ROBO2: variants seen among roughly 807,000 people sequenced by gnomAD.
The protein encoded by ROBO2 is roundabout guidance receptor 2.
In ROBO2, 53 loss-of-function variants were observed where a neutral mutation model predicts 160.8. The ratio of observed to expected loss-of-function variants is 0.33; its 90% confidence interval spans 0.26 to 0.41. The LOEUF (loss-of-function observed/expected upper bound fraction) is 0.41. Among genes scored for constraint, ROBO2 ranks in the 10% least tolerant of loss-of-function variants. The probability of loss-of-function intolerance (pLI) is 1.00; values close to 1 mark genes in which losing one functional copy is unlikely to be tolerated. For synonymous variants in ROBO2, 664 were observed against 611.7 expected (o/e 1.09, Z -1.26); for missense variants, 1,577 against 1,722.4 (o/e 0.92, Z 1.49).
At chr3:77,134,876 T>C (rs2076149447) in intron 2 of ROBO2, among the ~76,000 whole-genome samples, 1 of 152,188 alleles carries the variant, frequency 6.6e-6, no homozygotes, top group African/African-American at 2.4e-5. Context: ...TTAAGAGAAA[T>C]TGATTTTCCT....
At chr3:77,441,159 CCCAA>C (rs2079883025) in intron 2 of ROBO2, among the ~76,000 whole-genome samples, 1 of 151,912 alleles carries the variant, frequency 6.6e-6, no homozygotes, top group Non-Finnish European at 1.5e-5. Context: ...CCATTCGTTG[CCCAA>C]CTGGCTTTAC....
At chr3:76,310,191 G>T (rs1277026080) in intron 2 of ROBO2, among the ~76,000 whole-genome samples, 1 of 152,280 alleles carries the variant, frequency 6.6e-6, no homozygotes, top group Admixed American at 6.5e-5. Context: ...ACTGTCATGT[G>T]TTAATTATAA....
chr3:76,112,287 G>A (rs2108242150), intron 2 of ROBO2, among the ~76,000 whole-genome samples: 1 of 151,772 alleles, frequency 6.6e-6, no homozygotes, highest in South Asian at 2.1e-4. Flanking sequence ...ATTTGATTTA[G>A]GAGTTTGGCA....
At chr3:77,062,285 A>G (rs531642277) in intron 1 of ROBO2, among the ~76,000 whole-genome samples, 1 of 152,132 alleles carries the variant, frequency 6.6e-6, no homozygotes, top group African/African-American at 2.4e-5. Context: ...TCTTCTGGGA[A>G]CCTTTCCTAC....
chr3:76,877,380 G>C (rs1323426067), intron 2 of ROBO2, among the ~76,000 whole-genome samples: 1 of 152,158 alleles, frequency 6.6e-6, no homozygotes, highest in Non-Finnish European at 1.5e-5. Context: ...TTAGTATTCT[G>C]TGCTCTAAGG....
In ROBO2 at chr3:76,562,776, G is replaced by A. The variant is rs188741548; in HGVS notation, c.110-535238G>A. On this transcript the variant is annotated intron_variant, in intron 2 of 26. Coordinates refer to the ROBO2 transcript ENST00000487694. The stretch of plus-strand genomic sequence containing the variant: ...TGAGGTCTGTGACTAAAATATATTC[G>A]TCTAATTCTACCTTTATTCTTTTTC... Among the ~76,000 whole-genome samples the A allele has an allele frequency of 2.4e-3, 362 of 152,044 alleles. 1 individual carries two copies. The highest frequency in any genetic ancestry group is 7.9e-3 in the African/African-American group (326 of 41,476).
intron 2 of ROBO2, among the ~76,000 whole-genome samples, chr3:77,183,058 C>G (rs1172932930): frequency 6.6e-6 from 1 of 152,078 alleles, no homozygotes; most frequent in Non-Finnish European, 1.5e-5. Context: ...AGGCTCCAGA[C>G]TGTCTCTGTA....
At chr3:77,239,859 A>G (rs1484334040) in intron 2 of ROBO2, among the ~76,000 whole-genome samples, 1 of 152,176 alleles carries the variant, frequency 6.6e-6, no homozygotes, top group Non-Finnish European at 1.5e-5. Context: ...CTTTAGCTAG[A>G]TGTAAAAGTT....
At chr3:77,053,318 A>G (rs975014054) in intron 1 of ROBO2, among the ~76,000 whole-genome samples, 1 of 152,142 alleles carries the variant, frequency 6.6e-6, no homozygotes, top group African/African-American at 2.4e-5. Context: ...TTCTCATTCT[A>G]TTCTTCATTT....
chr3:76,123,976 GTTGTAC>G (rs2070859556), intron 2 of ROBO2, among the ~76,000 whole-genome samples: 4 of 151,876 alleles, frequency 2.6e-5, no homozygotes, highest in African/African-American at 7.3e-5. Context: ...TATATTCACT[GTTGTAC>G]TTGTTAGCAA....
In ROBO2 at chr3:76,752,741, A is replaced by T. The variant is rs563714611; in HGVS notation, c.110-345273A>T. Among the ~76,000 whole-genome samples, 3 of 152,072 alleles carry T rather than the reference A, an allele frequency of 2.0e-5. No homozygotes were observed. In the South Asian group the frequency reaches 6.2e-4, roughly 31 times the overall value. On this transcript the variant is annotated intron_variant, in intron 2 of 26. Transcript: ENST00000487694. ...TAGAGAAAATTAAACATGTTTCTTT[A>T]CTAAAGGATGCATTAAAGAGTTGAA...
At chr3:76,638,908 A>G (rs1264554111) in intron 2 of ROBO2, among the ~76,000 whole-genome samples, 1 of 152,168 alleles carries the variant, frequency 6.6e-6, no homozygotes, top group Non-Finnish European at 1.5e-5. Flanking sequence ...TCACAGTTTT[A>G]GCGCTCACAG....
intron 2 of ROBO2, among the ~76,000 whole-genome samples, chr3:76,105,142 T>A (rs1436202765): frequency 6.6e-6 from 1 of 151,824 alleles, no homozygotes; most frequent in Admixed American, 6.6e-5. Context: ...AAAAATTTCA[T>A]GGTACCAAAC....
intron 2 of ROBO2, among the ~76,000 whole-genome samples, chr3:76,121,492 G>T (rs2070750643): frequency 6.6e-6 from 1 of 152,046 alleles, no homozygotes; most frequent in Admixed American, 6.6e-5. Flanking sequence ...TGTCACTGAG[G>T]TTAGACAATT....
At chr3:77,408,309 T>C (rs1465244804) in intron 2 of ROBO2, among the ~76,000 whole-genome samples, 1 of 152,040 alleles carries the variant, frequency 6.6e-6, no homozygotes, top group African/African-American at 2.4e-5. Flanking sequence ...ATATTTTCAC[T>C]TTTTCAATGA....
At chr3:77,577,635 G>C (rs1425274634) in intron 15 of ROBO2, 21 bp downstream of exon 16, 1 of 1,612,800 alleles carries the variant, frequency 6.2e-7, no homozygotes, top group Non-Finnish European at 8.5e-7. Flanking sequence ...GGTGAAGAAG[G>C]ACAGCTCTCA....
chr3:77,485,843 C>T (rs962341712), intron 4 of ROBO2, among the ~76,000 whole-genome samples: 5 of 152,102 alleles, frequency 3.3e-5, no homozygotes, highest in Non-Finnish European at 7.4e-5. Context: ...CCTAGGTAAA[C>T]TTGTGCCATG....
At chr3:75,993,752 A>T (rs2065640120) in intron 2 of ROBO2, among the ~76,000 whole-genome samples, 1 of 152,156 alleles carries the variant, frequency 6.6e-6, no homozygotes, top group African/African-American at 2.4e-5. Flanking sequence ...TAATACATTG[A>T]AGCACCTCAT....
chr3:77,559,257 C>T (rs554335844), intron 9 of ROBO2, among the ~76,000 whole-genome samples: 52 of 152,158 alleles, frequency 3.4e-4, no homozygotes, highest in African/African-American at 1.3e-3. Flanking sequence ...CCAACAGGTC[C>T]CACTTACACT....
Sources: gnomAD v4.1 joint callset for allele counts (sites outside exome capture counted in the v4.1 genomes callset) on GRCh38, gnomAD v4.1.1 for gene constraint, MANE v1.5 for transcripts, NCBI Gene and HGNC (gene_info 2026-07-23, HGNC 2026-07-21) for gene names.